SLC35E2B: variants seen among roughly 807,000 people sequenced by gnomAD.
The protein encoded by SLC35E2B is solute carrier family 35, member E2B.
Under a neutral mutation model 32.4 loss-of-function variants are expected in SLC35E2B, and 18 were observed. The observed-to-expected ratio is 0.56, with a 90% CI of 0.38 to 0.82. SLC35E2B has a LOEUF of 0.82. Among genes scored for constraint, SLC35E2B ranks in the 40% least tolerant of loss-of-function variants. The pLI is 0.00. For synonymous variants in SLC35E2B, 132 were observed against 209.1 expected (o/e 0.63, Z 3.18); for missense variants, 263 against 469.5 (o/e 0.56, Z 4.06).
chr1:1,684,943 T>TA (rs1235468151), intron 2 of SLC35E2B, among the ~76,000 whole-genome samples: 1 of 146,912 alleles, frequency 6.8e-6, no homozygotes, highest in Non-Finnish European at 1.5e-5. Flanking sequence ...CTGTCTCTAC[T>TA]AAAAAAATAC....
intron 2 of SLC35E2B, among the ~76,000 whole-genome samples, chr1:1,680,692 A>ACC (rs1410279388): frequency 6.6e-6 from 1 of 151,094 alleles, no homozygotes; most frequent in South Asian, 2.1e-4. Flanking sequence ...AACCGTCCTC[A>ACC]CCCCCAGCAT....
rs1278566925 is a variant in SLC35E2B at position 1,670,155 on chromosome 1, G to C, written c.708-4C>G. The C allele has an allele frequency of 3.2e-6, 5 of 1,549,392 alleles. No homozygotes were observed. Among genetic ancestry groups the C allele is most frequent in the Non-Finnish European group, 4.4e-6 (5 of 1,144,774 alleles). On this transcript the variant is annotated splice_polypyrimidine_tract_variant and splice_region_variant and intron_variant, in intron 6 of 9. Coordinates refer to ENST00000617444, the MANE Select transcript of SLC35E2B (RefSeq NM_001290264.2). ...TTTTGAAAAAACATTTTGCAAACTA[G>C]AATAAAGAAAAGAGGTTATGCATCA... is the stretch of plus-strand genomic sequence containing the variant.
intron 5 of SLC35E2B, chr1:1,674,220 G>C (rs1402998672): frequency 6.3e-6 from 1 of 158,156 alleles, no homozygotes; most frequent in African/African-American, 2.4e-5. Flanking sequence ...TCGAGGACTC[G>C]GTCTTCCCAG....
intron 9 of SLC35E2B, among the ~76,000 whole-genome samples, chr1:1,666,827 C>T (rs545707608): frequency 4.6e-5 from 7 of 151,740 alleles, no homozygotes; most frequent in East Asian, 1.9e-4. Context: ...CTGTGGAGGC[C>T]GGGCGCCGTG....
intron 2 of SLC35E2B, among the ~76,000 whole-genome samples, chr1:1,682,932 C>G (rs553217542): frequency 1.3e-5 from 2 of 151,958 alleles, no homozygotes; most frequent in African/African-American, 4.8e-5. Context: ...TAAAAATTAG[C>G]CAGGTGTGGT....
intron 8 of SLC35E2B, among the ~76,000 whole-genome samples, chr1:1,668,946 G>A (rs1272143384): frequency 1.4e-5 from 2 of 146,964 alleles, no homozygotes; most frequent in Admixed American, 6.9e-5. Context: ...AGCTGAGATC[G>A]CACCACTGTA....
intron 2 of SLC35E2B, among the ~76,000 whole-genome samples, chr1:1,680,391 C>T (rs904041759): frequency 2.0e-5 from 3 of 152,160 alleles, no homozygotes; most frequent in Middle Eastern, 3.2e-3. Context: ...TGCGCTGGGA[C>T]GCGGGTTCTC....
intron 2 of SLC35E2B, among the ~76,000 whole-genome samples, chr1:1,677,684 C>T (rs1643865568): frequency 6.6e-6 from 1 of 151,188 alleles, no homozygotes; most frequent in Non-Finnish European, 1.5e-5. Flanking sequence ...GACGGGTTTT[C>T]ACCGTGTTAG....
At chr1:1,666,384 C>T (rs2101090442) in intron 9 of SLC35E2B, among the ~76,000 whole-genome samples, 1 of 152,328 alleles carries the variant, frequency 6.6e-6, no homozygotes, top group South Asian at 2.1e-4. Context: ...GAATTCATGA[C>T]ATCCGCCTCA....
intron 2 of SLC35E2B, among the ~76,000 whole-genome samples, chr1:1,686,638 C>T (rs1379066334): frequency 2.0e-5 from 3 of 151,798 alleles, no homozygotes; most frequent in South Asian, 2.1e-4. Flanking sequence ...CAGTGGCATG[C>T]GCCTGTAATC....
At chr1:1,682,514 G>A (rs529844881) in intron 2 of SLC35E2B, among the ~76,000 whole-genome samples, 1 of 152,256 alleles carries the variant, frequency 6.6e-6, no homozygotes, top group South Asian at 2.1e-4. Flanking sequence ...GAAGACTGAG[G>A]GACGAATCAC....
rs376454398 is a variant in SLC35E2B, at chr1:1,665,856, C to T, written c.1144G>A (p.Ala382Thr). The change falls in exon 10 of 10, where the codon GCT (alanine) becomes ACT (threonine). Residue 382 changes from alanine (A) to threonine (T), a missense_variant. Around this residue, in one of 7 missense-constraint regions of SLC35E2B, gnomAD observed 78 missense variants for 71.1 expected, o/e 1.10. Coordinates refer to ENST00000617444, the MANE Select transcript of SLC35E2B (RefSeq NM_001290264.2). ...TCTGGGGCCCGGCCAGTGGCTGCAG[C>T]CAGGCTCTGCAGCGCCTCCTGCTGG... ...QHQQEALQSL[A>T]AATGRAPDDT... 9.2e-5 allele frequency: 143 copies of T among 1,550,756 alleles called. 3 individuals are homozygous for T. In the East Asian group the frequency reaches 1.2e-3, roughly 13 times the overall value.
chr1:1,666,547 C>T (rs1285161518), intron 9 of SLC35E2B, among the ~76,000 whole-genome samples: 1 of 152,056 alleles, frequency 6.6e-6, no homozygotes, highest in African/African-American at 2.4e-5. Context: ...AAGTAAATTA[C>T]AGGTATCATG....
At chr1:1,671,272 G>A (rs551509719) in intron 6 of SLC35E2B, 15 of 368,888 alleles carry the variant, frequency 4.1e-5, no homozygotes, top group African/African-American at 1.7e-4. Flanking sequence ...TCAGCTAACC[G>A]TGTCTCCATG....
Position 1,662,810 on chromosome 1 carries a change from G to A in SLC35E2B, c.*2972C>T, listed in dbSNP as rs1423200990. The A allele has an allele frequency of 5.0e-6, 4 of 804,062 alleles. 1 individual carries two copies. The African/African-American group carries it at 7.1e-5, about 14-fold the overall frequency. The allele number at this position is 804,062 out of a possible 1,614,324, so 49.8% of individuals were successfully genotyped here. ...TCAAGTGTTCTGTTCGTTTACAAAA[G>A]CACAGACCACGACCATGGACACACC... On this transcript the variant is annotated 3_prime_UTR_variant, in exon 10 of 10. Coordinates refer to ENST00000617444, the MANE Select transcript of SLC35E2B (RefSeq NM_001290264.2).
At chr1:1,670,069 T>TG in intron 7 of SLC35E2B, 29 bp downstream of exon 7, 8 of 1,534,868 alleles carry the variant, frequency 5.2e-6, no homozygotes, top group South Asian at 1.2e-5. Context: ...TCTTATGACT[T>TG]GGAGATTTCA....
intron 2 of SLC35E2B, among the ~76,000 whole-genome samples, chr1:1,685,428 A>G (rs534396892): frequency 2.0e-5 from 3 of 151,384 alleles, no homozygotes; most frequent in Non-Finnish European, 4.4e-5. Flanking sequence ...AAAAAAAAAA[A>G]AAAAGAAAAG....
intron 2 of SLC35E2B, among the ~76,000 whole-genome samples, chr1:1,681,417 C>T (rs1283592735): frequency 6.6e-6 from 1 of 151,396 alleles, no homozygotes; most frequent in Admixed American, 6.6e-5. Flanking sequence ...CCATGTTACC[C>T]AGGATGGTCT....
At position 1,680,778 on chromosome 1, in the gene SLC35E2B, G is replaced by A. The variant is rs530076178; in HGVS notation, c.-147-3932C>T. Among the ~76,000 whole-genome samples, 10 of 151,280 alleles carry A rather than the reference G, an allele frequency of 6.6e-5. 1 individual carries two copies. Among genetic ancestry groups the A allele is most frequent in the Admixed American group, 6.6e-5 (1 of 15,178 alleles). On this transcript the variant is annotated intron_variant, in intron 2 of 9. Transcript: ENST00000617444. ...CCCCCACGTAAACACCTGTCCCTGC[G>A]TAAATGCCTGAGGCTGGCTGCTTAT...
Sources: allele counts gnomAD v4.1 joint callset (sites outside exome capture counted in the v4.1 genomes callset), GRCh38; gene constraint gnomAD v4.1.1; regional missense constraint gnomAD v4.1.1; transcripts MANE v1.5; gene names NCBI Gene and HGNC (gene_info 2026-07-23, HGNC 2026-07-21).